The following RP1L1 variants were observed in gnomAD, a reference collection of about 807,000 sequenced individuals.
RP1L1 encodes the protein RP1 like 1, also known as retinitis pigmentosa 1-like 1 protein.
Under a neutral mutation model 15.7 loss-of-function variants are expected in RP1L1, and 27 were observed. That is an observed-to-expected ratio of 1.72 (90% CI 1.27 to 2.38). The LOEUF (loss-of-function observed/expected upper bound fraction) is 2.38. Ranked by LOEUF, RP1L1 falls within the 30% of genes most tolerant of loss-of-function variation. The pLI is 0.00. For missense variants in RP1L1, 4,798 were observed against 3,075.9 expected (o/e 1.56, Z -13.24); for synonymous variants, 1,813 against 1,276.7 (o/e 1.42, Z -8.96).
In RP1L1 at chr8:10,611,276, C is replaced by T; in HGVS notation, c.2822G>A (p.Ser941Asn). ...GGGCAGAGAGCTGGGTGACACACCA[C>T]TGGCCTCCTCCTGCCCCTGGGGGCC... ...GGGPQGQEEA[S>N]GVSPSSLPRS... Residue 941 changes from serine (S) to asparagine (N), a missense_variant, in exon 4 of 4, where the codon AGT (serine) becomes AAT (asparagine). Physicochemically the swap from Ser to Asn is conservative, Grantham distance 46. Coordinates refer to ENST00000382483, the MANE Select transcript of RP1L1 (RefSeq NM_178857.6). The T allele has an allele frequency of 6.2e-7, 1 of 1,613,028 alleles. No individual in the cohort carries two copies.
At chr8:10,641,691 T>C (rs1213454134) in intron 1 of RP1L1, among the ~76,000 whole-genome samples, 3 of 152,228 alleles carry the variant, frequency 2.0e-5, no homozygotes, top group Non-Finnish European at 4.4e-5. Flanking sequence ...AAAACTTAAG[T>C]TCACACAAAA....
chr8:10,622,087 C>T (rs756582223), intron 2 of RP1L1, among the ~76,000 whole-genome samples: 10 of 151,900 alleles, frequency 6.6e-5, no homozygotes, highest in South Asian at 2.1e-4. Context: ...TTTGGGAGGC[C>T]GAATCGGGCA....
rs758645189 is a variant in RP1L1, at chr8:10,607,406, G to A, written c.6692C>T (p.Pro2231Leu). Residue 2231 changes from proline (P) to leucine (L), a missense_variant, in exon 4 of 4, where the codon CCG becomes CTG. By Grantham distance (98) the Pro-to-Leu change is moderately conservative. Coordinates refer to ENST00000382483, the MANE Select transcript of RP1L1 (RefSeq NM_178857.6). ...TGGCTGGGCCTCCCCTTCAGCCTCCGGGGTCTCTACGCCTTCTGGCTCTGG... is the reference window on the plus strand; with the variant it reads ...TGGCTGGGCCTCCCCTTCAGCCTCCAGGGTCTCTACGCCTTCTGGCTCTGG... ...AQPEPEGVET[P>L]EAEGEAQPES... The A allele has an allele frequency of 2.3e-5, 37 of 1,589,970 alleles. No homozygotes were observed. The highest frequency in any genetic ancestry group is 1.6e-4 in the African/African-American group (12 of 73,646).
In RP1L1 at chr8:10,606,933, T is replaced by G; in HGVS notation, c.7165A>C (p.Arg2389=). The G allele has an allele frequency of 6.2e-7, 1 of 1,614,230 alleles. No individual in the cohort carries two copies. The highest frequency in any genetic ancestry group is 8.5e-7 in the Non-Finnish European group (1 of 1,180,036). ...GSLAPTEAVG[R]ADGFGQDDLD... The stretch of plus-strand genomic sequence containing the variant: ...TCATCTTGGCCAAAGCCGTCTGCCC[T>G]GCCCACTGCCTCAGTGGGGGCGAGA... Residue 2389 remains arginine, a synonymous_variant, in exon 4 of 4, where the codon AGG becomes CGG. Coordinates refer to ENST00000382483, the MANE Select transcript of RP1L1 (RefSeq NM_178857.6).
intron 2 of RP1L1, among the ~76,000 whole-genome samples, chr8:10,617,417 A>T (rs866972801): frequency 6.7e-6 from 1 of 150,156 alleles, no homozygotes; most frequent in South Asian, 2.1e-4. Context: ...AAAAAAAAAA[A>T]AAAAGAAAAA....
rs765371422 is a variant in RP1L1, at chr8:10,611,842, G to A, written c.2256C>T (p.Val752=). ...CGGCAGAGGGAGCGTTGTGCGGGGA[G>A]ACTCCAGAAACAAAATCCGAGTGGA... is the stretch of plus-strand genomic sequence containing the variant. ...PAVHSDFVSG[V]SPHNAPSAGW... is the part of the protein sequence containing the mutation. Residue 752 remains valine, a synonymous_variant, in exon 4 of 4, where the codon GTC becomes GTT. Transcript: ENST00000382483. 4 of 1,613,774 alleles carry A rather than the reference G, an allele frequency of 2.5e-6. No homozygotes were observed. The East Asian group carries it at 8.9e-5, about 36-fold the overall frequency.
Position 10,612,979 on chromosome 8 carries a change from A to G in RP1L1, c.1119T>C (p.Pro373=), listed in dbSNP as rs1234525291. The change falls in exon 4 of 4, where the codon CCT becomes CCC. Residue 373 remains proline (P), a synonymous_variant. Transcript: ENST00000382483. Reference sequence around the variant, plus strand: ...ACACCCCAGGCTCTGAGAAGCCCCAAGGGTAGCCCTCCCACACACAGCAGA... The same window carrying G: ...ACACCCCAGGCTCTGAGAAGCCCCAGGGGTAGCCCTCCCACACACAGCAGA... The part of the protein sequence containing the change: ...DPLCCVWEGY[P]WGFSEPGVWG... 4 of 1,613,194 alleles carry G rather than the reference A, an allele frequency of 2.5e-6. No homozygotes were observed. Among genetic ancestry groups the G allele is most frequent in the Non-Finnish European group, 3.4e-6 (4 of 1,179,912 alleles).
intron 2 of RP1L1, among the ~76,000 whole-genome samples, chr8:10,620,555 G>A (rs1046924955): frequency 1.5e-4 from 23 of 152,244 alleles, no homozygotes; most frequent in Non-Finnish European, 2.6e-4. Flanking sequence ...GCAGTGAGCC[G>A]AGATCGCGCC....
intron 1 of RP1L1, among the ~76,000 whole-genome samples, chr8:10,626,443 C>T (rs189758822): frequency 6.6e-6 from 1 of 152,234 alleles, no homozygotes; most frequent in African/African-American, 2.4e-5. Flanking sequence ...GGCATGCAGC[C>T]CCCGGAGAGA....
Position 10,609,322 on chromosome 8 carries a change from C to A in RP1L1, c.4776G>T (p.Arg1592Ser), listed in dbSNP as rs773266791. ...RAGRMVLEPPREALTGELLLQ... is the reference protein window; with the variant it reads ...RAGRMVLEPPSEALTGELLLQ... ...GGAGCAGCTCCCCGGTGAGGGCCTC[C>A]CTTGGAGGCTCCAGCACCATCCTAC... is the stretch of plus-strand genomic sequence containing the variant. The change falls in exon 4 of 4, where the codon AGG (arginine) becomes AGT (serine). Residue 1592 changes from arginine to serine, a missense_variant. Transcript: ENST00000382483. 8 of 1,611,894 alleles carry A rather than the reference C, an allele frequency of 5.0e-6. No homozygotes were observed. Among genetic ancestry groups the A allele is most frequent in the Non-Finnish European group, 6.8e-6 (8 of 1,179,778 alleles).
chr8:10,608,822 T>A lies in RP1L1; in HGVS notation c.5276A>T (p.Lys1759Ile), dbSNP rs763652997. 6.2e-7 allele frequency: 1 copy of A among 1,614,112 alleles called. No individual in the cohort carries two copies. The highest frequency in any genetic ancestry group is 8.5e-7 in the Non-Finnish European group (1 of 1,180,036). ...TGCATCTCCCTCTGCCTCCCCGAGT[T>A]TGGGATCTTTGTCTCTGTTGAGTCT... ...SQRLNRDKDP[K>I]LGEAEGDAMA... The change falls in exon 4 of 4, where the codon AAA becomes ATA. Residue 1759 changes from lysine (K) to isoleucine (I), a missense_variant. Physicochemically the swap from Lys to Ile is moderately radical, Grantham distance 102 (BLOSUM62 -3). Transcript: ENST00000382483.
In RP1L1 at chr8:10,609,840, C is replaced by A. The variant is rs1476815297; in HGVS notation, c.4258G>T (p.Gly1420Cys). 1.9e-6 allele frequency: 3 copies of A among 1,614,012 alleles called. No homozygotes were observed. The highest frequency in any genetic ancestry group is 1.3e-5 in the African/African-American group (1 of 74,922). The change falls in exon 4 of 4, where the codon GGC (glycine) becomes TGC (cysteine). Residue 1420 changes from glycine (G) to cysteine (C), a missense_variant. Transcript: ENST00000382483. ...LSEASSPDGK[G>C]SQEDDPVQEE... ...TGGACTGGGTCATCTTCCTGGGAGC[C>A]TTTCCCATCCGGAGAGCTGGCCTCT...
rs963102997 is a variant in RP1L1 at position 10,606,959 on chromosome 8, C to G, written c.7139G>C (p.Ser2380Thr). The G allele has an allele frequency of 3.1e-6, 5 of 1,614,160 alleles. No homozygotes were observed. In the African/African-American group the frequency reaches 5.3e-5, roughly 17 times the overall value. ...YDLQEDQALG[S>T]LAPTEAVGRA... is the part of the protein sequence containing the mutation. Reference sequence around the variant, plus strand: ...GCCCACTGCCTCAGTGGGGGCGAGACTTCCGAGTGCCTGGTCCTCTTGTAG... The same window carrying G: ...GCCCACTGCCTCAGTGGGGGCGAGAGTTCCGAGTGCCTGGTCCTCTTGTAG... Residue 2380 changes from serine (S) to threonine (T), a missense_variant, in exon 4 of 4, where the codon AGT becomes ACT. Physicochemically the swap from Ser to Thr is moderately conservative, Grantham distance 58 (BLOSUM62 1). Coordinates refer to ENST00000382483, the MANE Select transcript of RP1L1 (RefSeq NM_178857.6).
chr8:10,636,688 C>T (rs1380021604), intron 1 of RP1L1, among the ~76,000 whole-genome samples: 1 of 152,240 alleles, frequency 6.6e-6, no homozygotes, highest in Non-Finnish European at 1.5e-5. Flanking sequence ...TTCCCCCAAG[C>T]CACAGCTGCT....
In RP1L1 at chr8:10,611,366, C is replaced by A. The variant is rs757352407; in HGVS notation, c.2732G>T (p.Ser911Ile). The A allele has an allele frequency of 1.4e-4, 232 of 1,610,310 alleles. No homozygotes were observed. The highest frequency in any genetic ancestry group is 1.9e-4 in the Non-Finnish European group (226 of 1,179,416). Residue 911 changes from serine to isoleucine, a missense_variant, in exon 4 of 4, where the codon AGC becomes ATC. By Grantham distance (142) the Ser-to-Ile change is moderately radical. Coordinates refer to ENST00000382483, the MANE Select transcript of RP1L1 (RefSeq NM_178857.6). ...PGPNSGASRR[S>I]SASQGAGSRG... ...AGACCCCGCACCCTGGCTGGCACTG[C>A]TTCTCCTTGATGCCCCTGAATTGGG...
At chr8:10,648,207 T>C (rs1798507886) in intron 1 of RP1L1, among the ~76,000 whole-genome samples, 1 of 152,058 alleles carries the variant, frequency 6.6e-6, no homozygotes, top group African/African-American at 2.4e-5. Context: ...ATTTTTTATA[T>C]TTTTAGTAAA....
Position 10,608,903 on chromosome 8 carries a change from G to GGCCCCA in RP1L1, c.5189_5194dup (p.Leu1730_Gly1731dup), listed in dbSNP as rs754524636. ...CACTCCAGGCCCCTGGCTCAGCCCC[G>GGCCCCA]GCCCCAGCCCTCCCTCAGCTCCCTG... On this transcript the variant is annotated inframe_insertion, in exon 4 of 4. Transcript: ENST00000382483. 25 of 1,613,790 alleles carry GGCCCCA rather than the reference G, an allele frequency of 1.5e-5. No homozygotes were observed. The highest frequency in any genetic ancestry group is 2.0e-5 in the Non-Finnish European group (24 of 1,180,012).
chr8:10,611,591 T>C lies in RP1L1; in HGVS notation c.2507A>G (p.Glu836Gly), dbSNP rs1797856716. Residue 836 changes from glutamate to glycine, a missense_variant, in exon 4 of 4, where the codon GAG becomes GGG. Coordinates refer to ENST00000382483, the MANE Select transcript of RP1L1 (RefSeq NM_178857.6). ...CTCAGGGGAGGGTCCCCGCTGGGCC[T>C]CTTGGGCCGGCTGCGTCCCAGGCTG... ...CSQPGTQPAQ[E>G]AQRGPSPEAS... The C allele has an allele frequency of 6.2e-7, 1 of 1,611,550 alleles. No individual in the cohort carries two copies. Among genetic ancestry groups the C allele is most frequent in the Non-Finnish European group, 8.5e-7 (1 of 1,179,268 alleles).
Position 10,607,107 on chromosome 8 carries a change from T to A in RP1L1, c.6991A>T (p.Thr2331Ser). The A allele has an allele frequency of 1.2e-6, 2 of 1,614,250 alleles. No individual in the cohort carries two copies. The highest frequency in any genetic ancestry group is 1.7e-6 in the Non-Finnish European group (2 of 1,180,042). Residue 2331 changes from threonine (T) to serine (S), a missense_variant, in exon 4 of 4, where the codon ACG becomes TCG. By Grantham distance (58) the Thr-to-Ser change is moderately conservative. Transcript: ENST00000382483. ...TTCCTCTCTGCATGAGGGGTCCCCG[T>A]GGACTTGGCATCAGGGCTCCTTGTG... ...GDTRSPDAKSTGTPHAERKAT... is the reference protein window; with the variant it reads ...GDTRSPDAKSSGTPHAERKAT...
Sources: gnomAD v4.1 joint callset for allele counts (sites outside exome capture counted in the v4.1 genomes callset) on GRCh38, gnomAD v4.1.1 for gene constraint, MANE v1.5 for transcripts, NCBI Gene and HGNC (gene_info 2026-07-23, HGNC 2026-07-21) for gene names.